Variants in QRICH2 observed in about 807,000 individuals in gnomAD.
The protein encoded by QRICH2 is glutamine-rich protein 2.
QRICH2 carries 119 observed loss-of-function variants against 168.3 expected under a neutral mutation model. That is an observed-to-expected ratio of 0.71 (90% confidence interval 0.61 to 0.82). The LOEUF is 0.82. Among genes scored for constraint, QRICH2 ranks in the 40% least tolerant of loss-of-function variants. The probability of loss-of-function intolerance (pLI) is 0.00; values close to 1 mark genes in which losing one functional copy is unlikely to be tolerated. For synonymous variants in QRICH2, 894 were observed against 951.2 expected, an observed-to-expected ratio of 0.94 and a Z score of 1.11; for missense variants, 2,241 against 2,491.6, an observed-to-expected ratio of 0.90 and a Z score of 2.14.
chr17:76,294,041 G>A lies in QRICH2; in HGVS notation c.706-20C>T. ...TGAGCCCTGGTTGGAGAGGAAGAAG[G>A]AAATCAATAACAGTCAAAATATTCA... On this transcript the variant is annotated intron_variant, in intron 3 of 18. Transcript: ENST00000680821. 6 of 1,571,736 alleles carry A rather than the reference G, an allele frequency of 3.8e-6. No homozygotes were observed. Among genetic ancestry groups the A allele is most frequent in the Non-Finnish European group, 5.2e-6 (6 of 1,158,416 alleles).
At position 76,291,133 on chromosome 17, in the gene QRICH2, A is replaced by G; in HGVS notation, c.3594T>C (p.His1198=). 1 of 1,614,170 alleles carries G rather than the reference A, an allele frequency of 6.2e-7. No individual in the cohort carries two copies. The highest frequency in any genetic ancestry group is 8.5e-7 in the Non-Finnish European group (1 of 1,180,044). Residue 1198 remains histidine, a synonymous_variant, in exon 4 of 19, where the codon CAT becomes CAC. Coordinates refer to ENST00000680821, the MANE Select transcript of QRICH2 (RefSeq NM_001388453.1). ...SSFPTAVETF[H]LMGELSSLYV... ...AGAGGCTACTGAGCTCTCCCATCAGATGAAATGTCTCCACTGCCGTGGGGA... is the reference window on the plus strand; with the variant it reads ...AGAGGCTACTGAGCTCTCCCATCAGGTGAAATGTCTCCACTGCCGTGGGGA...
Position 76,293,303 on chromosome 17 carries a change from A to G in QRICH2, c.1424T>C (p.Met475Thr), listed in dbSNP as rs781675236. 1.9e-6 allele frequency: 3 copies of G among 1,614,100 alleles called. No homozygotes were observed. Among genetic ancestry groups the G allele is most frequent in the Non-Finnish European group, 2.5e-6 (3 of 1,180,030 alleles). Residue 475 changes from methionine to threonine, a missense_variant, in exon 4 of 19, where the codon ATG becomes ACG. Physicochemically the swap from Met to Thr is moderately conservative, Grantham distance 81. This residue lies in a region of QRICH2 where 2,047 missense variants were observed against 2,303.8 expected (regional missense o/e 0.89). Transcript: ENST00000680821. Reference sequence around the variant, plus strand: ...GCGTTGGTCTGTGCCAGGAAATGTCATACCATGCTGATATGCACTGACTGA... The same window carrying G: ...GCGTTGGTCTGTGCCAGGAAATGTCGTACCATGCTGATATGCACTGACTGA... Reference protein sequence around the residue: ...LVSVSAYQHGMTFPGTDQRSM... With the variant: ...LVSVSAYQHGTTFPGTDQRSM...
chr17:76,290,710 A>G (rs1474379333), intron 4 of QRICH2, among the ~76,000 whole-genome samples: 1 of 152,038 alleles, frequency 6.6e-6, no homozygotes, highest in Non-Finnish European at 1.5e-5. Flanking sequence ...ATTCTTCAAC[A>G]TTCTCTCCCG....
At chr17:76,306,684 T>G (rs2057515492) in intron 1 of QRICH2, among the ~76,000 whole-genome samples, 2 of 152,104 alleles carry the variant, frequency 1.3e-5, no homozygotes, top group South Asian at 4.1e-4. Context: ...GTCAGGAGTT[T>G]GAGACCAGCC....
At chr17:76,288,144 G>C (rs910111766) in intron 5 of QRICH2, among the ~76,000 whole-genome samples, 4 of 151,888 alleles carry the variant, frequency 2.6e-5, no homozygotes, top group African/African-American at 9.7e-5. Flanking sequence ...GCACTTTTGA[G>C]AGGCCGAGGC....
intron 7 of QRICH2, among the ~76,000 whole-genome samples, chr17:76,286,154 G>A (rs1175766064): frequency 3.4e-5 from 5 of 148,826 alleles, no homozygotes; most frequent in South Asian, 2.1e-4. Context: ...CAGCCTAGGC[G>A]AGAGAGCAAG....
rs2070722640 is a variant in QRICH2, at chr17:76,278,118, G to C, written c.4988C>G (p.Ser1663Cys). ...GTTCATCAGCATCTTGGAGTGCATG[G>C]AGCGCAGGCGCCCCACGCTCTGCTC... ...QMEQSVGRLR[S>C]MHSKMLMNIE... Residue 1663 changes from serine to cysteine, a missense_variant, in exon 15 of 19, where the codon TCC (serine) becomes TGC (cysteine). By Grantham distance (112) the Ser-to-Cys change is moderately radical (BLOSUM62 -1). This residue lies in a region of QRICH2 where 2,047 missense variants were observed against 2,303.8 expected (regional missense o/e 0.89). Coordinates refer to ENST00000680821, the MANE Select transcript of QRICH2 (RefSeq NM_001388453.1). 1 of 1,613,360 alleles carries C rather than the reference G, an allele frequency of 6.2e-7. No homozygotes were observed. The highest frequency in any genetic ancestry group is 8.5e-7 in the Non-Finnish European group (1 of 1,180,020).
intron 3 of QRICH2, among the ~76,000 whole-genome samples, chr17:76,300,192 AGGGTGAT>A (rs1464400511): frequency 6.6e-6 from 1 of 152,112 alleles, no homozygotes; most frequent in Non-Finnish European, 1.5e-5. Flanking sequence ...ACATCTTCTC[AGGGTGAT>A]GGCGGCAGAC....
At position 76,291,923 on chromosome 17, in the gene QRICH2, C is replaced by A. The variant is rs1209167432; in HGVS notation, c.2804G>T (p.Gly935Val). 3 of 1,614,224 alleles carry A rather than the reference C, an allele frequency of 1.9e-6. No homozygotes were observed. Among genetic ancestry groups the A allele is most frequent in the Non-Finnish European group, 2.5e-6 (3 of 1,180,046 alleles). The change falls in exon 4 of 19, where the codon GGT (glycine) becomes GTT (valine). Residue 935 changes from glycine (G) to valine (V), a missense_variant. Physicochemically the swap from Gly to Val is moderately radical, Grantham distance 109 (BLOSUM62 -3). This residue lies in a region of QRICH2 where 2,047 missense variants were observed against 2,303.8 expected (regional missense o/e 0.89). Coordinates refer to ENST00000680821, the MANE Select transcript of QRICH2 (RefSeq NM_001388453.1). ...TTGTACCAAACCAAGAGGATAGGCACCAGGTTGTACCAGGCCATGTGGATC... is the reference window on the plus strand; with the variant it reads ...TTGTACCAAACCAAGAGGATAGGCAACAGGTTGTACCAGGCCATGTGGATC... The part of the protein sequence containing the change: ...QADPHGLVQP[G>V]AYPLGLVQPG...
At position 76,302,251 on chromosome 17, in the gene QRICH2, G is replaced by T. The variant is rs962732368; in HGVS notation, c.705+2164C>A. On this transcript the variant is annotated intron_variant, in intron 3 of 18. Transcript: ENST00000680821. ...CTCAGAAATGACAGGAGTCTCATCTGATGCCCTTAATGAAAACTGTACCGA... is the reference window on the plus strand; with the variant it reads ...CTCAGAAATGACAGGAGTCTCATCTTATGCCCTTAATGAAAACTGTACCGA... Among the ~76,000 whole-genome samples, 42 of 152,084 alleles carry T rather than the reference G, an allele frequency of 2.8e-4. 1 individual carries two copies. The highest frequency in any genetic ancestry group is 5.6e-4 in the Non-Finnish European group (38 of 67,992).
Position 76,279,099 on chromosome 17 carries a change from G to A in QRICH2, c.4858C>T (p.His1620Tyr). Residue 1620 changes from histidine (H) to tyrosine (Y), a missense_variant, in exon 14 of 19, where the codon CAT (histidine) becomes TAT (tyrosine). Physicochemically the swap from His to Tyr is moderately conservative, Grantham distance 83. Transcript: ENST00000680821. The stretch of plus-strand genomic sequence containing the variant: ...AACACCGTGTAGGGGCGGATGGAAT[G>A]GTGCCCAGGTAGGCCTGGACCCGCG... The part of the protein sequence containing the change: ...TPAGPGLPGH[H>Y]SIRPYTVFEL... 1 of 1,613,900 alleles carries A rather than the reference G, an allele frequency of 6.2e-7. No homozygotes were observed. Among genetic ancestry groups the A allele is most frequent in the South Asian group, 1.1e-5 (1 of 91,074 alleles).
intron 1 of QRICH2, among the ~76,000 whole-genome samples, chr17:76,305,401 A>G (rs1433918053): frequency 6.6e-6 from 1 of 152,058 alleles, no homozygotes; most frequent in African/African-American, 2.4e-5. Flanking sequence ...CCTGGGTCCG[A>G]GCAATCCTCC....
Position 76,287,819 on chromosome 17 carries a change from A to G in QRICH2, c.3877T>C (p.Leu1293=), listed in dbSNP as rs1170171833. ...TTTTACCTGAGGACACCCAGCTGCA[A>G]TCTCAGCTCTCCAGCTTTCAGTTCC... ...GKELKAGELR[L]QLGVLRVTVA... Residue 1293 remains leucine, a synonymous_variant, in exon 6 of 19, where the codon TTG becomes CTG. Transcript: ENST00000680821. The G allele has an allele frequency of 1.9e-6, 3 of 1,613,644 alleles. No homozygotes were observed. The highest frequency in any genetic ancestry group is 4.5e-5 in the East Asian group (2 of 44,882).
chr17:76,293,336 C>A lies in QRICH2; in HGVS notation c.1391G>T (p.Gly464Val). Residue 464 changes from glycine to valine, a missense_variant, in exon 4 of 19, where the codon GGT becomes GTT. Gly to Val is a moderately radical substitution (Grantham distance 109). Around this residue, in one of 3 missense-constraint regions of QRICH2, gnomAD observed 2,047 missense variants for 2,303.8 expected, o/e 0.89. Coordinates refer to ENST00000680821, the MANE Select transcript of QRICH2 (RefSeq NM_001388453.1). ...GLELPSTDQHGLVSVSAYQHG... is the reference protein window; with the variant it reads ...GLELPSTDQHVLVSVSAYQHG... ...CTGATATGCACTGACTGAAACCAGA[C>A]CATGTTGGTCTGTGCTAGGTAGTTC... 5.0e-6 allele frequency: 8 copies of A among 1,614,166 alleles called. No homozygotes were observed. Among genetic ancestry groups the A allele is most frequent in the Non-Finnish European group, 5.9e-6 (7 of 1,180,042 alleles).
At chr17:76,275,728 C>A in intron 18 of QRICH2, 91 bp downstream of exon 18, 4 of 1,477,454 alleles carry the variant, frequency 2.7e-6, no homozygotes, top group Non-Finnish European at 3.6e-6. Flanking sequence ...CTCCCCTCTC[C>A]GGGGAGATAA....
chr17:76,291,545 G>A lies in QRICH2; in HGVS notation c.3182C>T (p.Pro1061Leu), dbSNP rs758215731. 1.2e-6 allele frequency: 2 copies of A among 1,607,650 alleles called. No individual in the cohort carries two copies. The highest frequency in any genetic ancestry group is 1.7e-6 in the Non-Finnish European group (2 of 1,176,970). The change falls in exon 4 of 19, where the codon CCA becomes CTA. Residue 1061 changes from proline (P) to leucine (L), a missense_variant. Pro to Leu is a moderately conservative substitution (Grantham distance 98). This residue lies in a region of QRICH2 where 2,047 missense variants were observed against 2,303.8 expected (regional missense o/e 0.89). Transcript: ENST00000680821. ...TCCCAAACCTGTACTCAGTGGTATT[G>A]GGCTGTGCTGGTCTGTGCCAGGATG... ...LMHPGTDQHSPIPLSTGLGST... is the reference protein window; with the variant it reads ...LMHPGTDQHSLIPLSTGLGST...
At chr17:76,288,044 C>A in intron 5 of QRICH2, 147 bp from the exon 6 acceptor site, 1 of 645,406 alleles carries the variant, frequency 1.5e-6, no homozygotes, top group East Asian at 2.7e-5. Flanking sequence ...TGTGGACATC[C>A]ATCCGCCCAT....
intron 3 of QRICH2, among the ~76,000 whole-genome samples, chr17:76,298,760 C>A (rs1247616665): frequency 6.6e-6 from 1 of 151,998 alleles, no homozygotes; most frequent in Non-Finnish European, 1.5e-5. Flanking sequence ...GGATTACAGG[C>A]GCATGCCACC....
At chr17:76,294,155 T>C in intron 3 of QRICH2, 134 bp from the exon 4 acceptor site, 7 of 1,158,194 alleles carry the variant, frequency 6.0e-6, no homozygotes, top group Non-Finnish European at 8.3e-6. Context: ...TCCTAAAAGC[T>C]AAGCTTGACA....
Sources: gnomAD v4.1 joint callset for allele counts (sites outside exome capture counted in the v4.1 genomes callset) on GRCh38, gnomAD v4.1.1 for gene constraint, gnomAD v4.1.1 regional missense constraint, MANE v1.5 for transcripts, NCBI Gene and HGNC (gene_info 2026-07-23, HGNC 2026-07-21) for gene names.